Variants in METTL16 observed in about 807,000 individuals in gnomAD.
METTL16 encodes methyltransferase 16, RNA N6-adenosine.
In METTL16, 19 loss-of-function variants were observed where a neutral mutation model predicts 57.9. The observed-to-expected ratio is 0.33, with a 90% CI of 0.23 to 0.48. The LOEUF (loss-of-function observed/expected upper bound fraction) is 0.48. Among genes scored for constraint, METTL16 ranks in the 20% least tolerant of loss-of-function variants. The pLI is 0.99. For missense variants in METTL16, 434 were observed against 691.5 expected (o/e 0.63, Z 4.18); for synonymous variants, 246 against 255.6 (o/e 0.96, Z 0.36).
In METTL16 at chr17:2,428,592, TATATA is replaced by T. The variant is rs1248487147; in HGVS notation, c.889-7693_889-7689del. 2.6e-4 allele frequency among the ~76,000 whole-genome samples: 12 copies of T among 46,718 alleles called. 1 individual carries two copies. Among genetic ancestry groups the T allele is most frequent in the East Asian group, 1.5e-3 (2 of 1,350 alleles). The allele number at this position is 46,718 out of a possible 152,430, so 30.6% of individuals were successfully genotyped here. ...ATATATATATATATATATATATATA[TATATA>T]TATATAAATTGTAATACAGCGGGGC... On this transcript the variant is annotated intron_variant, in intron 8 of 9. Coordinates refer to ENST00000263092, the MANE Select transcript of METTL16 (RefSeq NM_024086.4).
chr17:2,420,136 G>T lies in METTL16; in HGVS notation c.1523C>A (p.Pro508Gln). ...AAACAGGTACTGTCCGGCCACTCCT[G>T]GGAGACGTTTCCCCCTTTCAGCCAC... ...SPVAERGKRL[P>Q]GVAGQYLFKC... The change falls in exon 10 of 10, where the codon CCA (proline) becomes CAA (glutamine). Residue 508 changes from proline (P) to glutamine (Q), a missense_variant. Physicochemically the swap from Pro to Gln is moderately conservative, Grantham distance 76. Around this residue, in one of 5 missense-constraint regions of METTL16, gnomAD observed 168 missense variants for 149.6 expected, o/e 1.12. Coordinates refer to ENST00000263092, the MANE Select transcript of METTL16 (RefSeq NM_024086.4). The surrounding 1 kb of genome is among the most constrained non-coding windows in gnomAD (Gnocchi z 5.4). 6.2e-7 allele frequency: 1 copy of T among 1,614,230 alleles called. No individual in the cohort carries two copies. The highest frequency in any genetic ancestry group is 8.5e-7 in the Non-Finnish European group (1 of 1,180,044).
intron 6 of METTL16, among the ~76,000 whole-genome samples, chr17:2,452,677 G>A (rs890339714): frequency 1.3e-5 from 2 of 152,060 alleles, no homozygotes; most frequent in African/African-American, 4.8e-5. Flanking sequence ...TGCAGGATTC[G>A]CGCAAATGAC....
chr17:2,475,407 TA>T lies in METTL16; in HGVS notation c.329-1744del, dbSNP rs550588170. 225 of 152,246 alleles carry T rather than the reference TA, an allele frequency of 1.5e-3. 1 individual carries two copies. The highest frequency in any genetic ancestry group is 5.2e-3 in the African/African-American group (216 of 41,554). 9.4% of individuals were successfully genotyped at this position (152,246 alleles called of 1,614,324 possible). On this transcript the variant is annotated intron_variant, in intron 3 of 9. Transcript: ENST00000263092. ...TCTAGTAAGCCAAACACACACACAG[TA>T]AGAACATGTCAGTTGTACTTTCGAC...
intron 6 of METTL16, among the ~76,000 whole-genome samples, chr17:2,448,931 G>T (rs1361216094): frequency 6.7e-6 from 1 of 149,804 alleles, no homozygotes; most frequent in Non-Finnish European, 1.5e-5. Context: ...GGAGGCTGAG[G>T]CATGAGAATC....
At chr17:2,437,958 CTG>C in intron 8 of METTL16, 149 bp downstream of exon 8, 2 of 619,396 alleles carry the variant, frequency 3.2e-6, no homozygotes, top group South Asian at 3.6e-5. Context: ...CCTTCTAGGA[CTG>C]TGTCTTGGTT....
chr17:2,427,952 CAA>C (rs36089320), intron 8 of METTL16, among the ~76,000 whole-genome samples: 2 of 127,256 alleles, frequency 1.6e-5, no homozygotes, highest in Non-Finnish European at 3.2e-5. Context: ...CATCTTTACC[CAA>C]AAAAAAAAAA....
chr17:2,422,331 G>A (rs1298351521), intron 8 of METTL16, among the ~76,000 whole-genome samples: 4 of 109,520 alleles, frequency 3.7e-5, no homozygotes, highest in Admixed American at 8.0e-5. Context: ...GTGAAACTCC[G>A]TTTTAGAAAA....
intron 8 of METTL16, among the ~76,000 whole-genome samples, chr17:2,426,479 C>T (rs1297687235): frequency 6.6e-6 from 1 of 152,004 alleles, no homozygotes; most frequent in Non-Finnish European, 1.5e-5. Context: ...GCCTGTAATC[C>T]CAGCACTTTG....
chr17:2,470,156 G>A (rs1016404828), intron 4 of METTL16, among the ~76,000 whole-genome samples: 1 of 152,130 alleles, frequency 6.6e-6, no homozygotes, highest in Non-Finnish European at 1.5e-5. Context: ...ACTACAGCTC[G>A]CGTCTGAAGG....
intron 8 of METTL16, 124 bp from the exon 9 acceptor site, chr17:2,421,028 A>C (rs929514242): frequency 6.6e-5 from 71 of 1,072,500 alleles, no homozygotes; most frequent in Non-Finnish European, 9.4e-5. Context: ...CACTGAAAAC[A>C]CAAAGGGTTT....
At chr17:2,461,428 T>C (rs146139218) in intron 6 of METTL16, among the ~76,000 whole-genome samples, 1 of 152,256 alleles carries the variant, frequency 6.6e-6, no homozygotes, top group East Asian at 1.9e-4. Flanking sequence ...AATTGGTCTT[T>C]AATAAAATAA....
chr17:2,459,498 T>C (rs1258046603), intron 6 of METTL16, among the ~76,000 whole-genome samples: 1 of 152,196 alleles, frequency 6.6e-6, no homozygotes, highest in Non-Finnish European at 1.5e-5. Flanking sequence ...ATTTAACTTA[T>C]TTCACCCCAT....
chr17:2,447,611 A>C (rs1469670142), intron 6 of METTL16, among the ~76,000 whole-genome samples: 383 of 44,848 alleles, frequency 8.5e-3, no homozygotes, highest in Middle Eastern at 0.062. Flanking sequence ...CCAGCCGCCC[A>C]GTCCGGGAGG....
At chr17:2,453,399 T>C (rs897854345) in intron 6 of METTL16, among the ~76,000 whole-genome samples, 4 of 152,198 alleles carry the variant, frequency 2.6e-5, no homozygotes, top group African/African-American at 9.6e-5. Flanking sequence ...GACCTTAATG[T>C]TTTTGAGGAG....
chr17:2,431,130 A>G (rs1460400346), intron 8 of METTL16, among the ~76,000 whole-genome samples: 1 of 152,070 alleles, frequency 6.6e-6, no homozygotes, highest in Admixed American at 6.6e-5. Flanking sequence ...TACTTTTAGT[A>G]GAGACAGAGT....
intron 6 of METTL16, among the ~76,000 whole-genome samples, chr17:2,458,362 A>G (rs1046275182): frequency 6.6e-6 from 1 of 152,054 alleles, no homozygotes; most frequent in Non-Finnish European, 1.5e-5. Context: ...GTAACCAATG[A>G]CAAGAGAGAA....
In METTL16 at chr17:2,418,305, C is replaced by A. The variant is rs774337793; in HGVS notation, c.*1665G>T. The A allele has an allele frequency of 1.3e-5, 2 of 152,204 alleles. No individual in the cohort carries two copies. The highest frequency in any genetic ancestry group is 2.9e-5 in the Non-Finnish European group (2 of 68,088). 9.4% of individuals were successfully genotyped at this position (152,204 alleles called of 1,614,324 possible). A position where few individuals can be genotyped will look rare whatever the true frequency, so the allele number is the denominator to read the frequency against. ...CACGGACCAGGTTAAGAACACTGGTCAGAGGCTGGGAGTAGTGGCTCACGG... is the reference window on the plus strand; with the variant it reads ...CACGGACCAGGTTAAGAACACTGGTAAGAGGCTGGGAGTAGTGGCTCACGG... On this transcript the variant is annotated 3_prime_UTR_variant, in exon 10 of 10. Coordinates refer to ENST00000263092, the MANE Select transcript of METTL16 (RefSeq NM_024086.4).
intron 1 of METTL16, 87 bp from the exon 2 acceptor site, chr17:2,502,418 C>G (rs1391334947): frequency 6.0e-6 from 8 of 1,338,108 alleles, no homozygotes; most frequent in Non-Finnish European, 8.3e-6. Flanking sequence ...TGCCTCTAAT[C>G]CCAGTACTTT....
intron 8 of METTL16, among the ~76,000 whole-genome samples, chr17:2,437,541 TTTTTA>T (rs2066917227): frequency 7.9e-6 from 1 of 126,026 alleles, no homozygotes; most frequent in Non-Finnish European, 1.9e-5. Flanking sequence ...TTTAAAAAAA[TTTTTA>T]TTTATTTCAT....
Sources: allele counts gnomAD v4.1 joint callset (sites outside exome capture counted in the v4.1 genomes callset), GRCh38; gene constraint gnomAD v4.1.1; regional missense constraint gnomAD v4.1.1; non-coding constraint Gnocchi (gnomAD v3.1); transcripts MANE v1.5; gene names NCBI Gene and HGNC (gene_info 2026-07-23, HGNC 2026-07-21).